BRAF: variants seen among roughly 807,000 people sequenced by gnomAD.
BRAF encodes the protein B-Raf proto-oncogene, serine/threonine kinase.
In BRAF, 16 loss-of-function variants were observed where a neutral mutation model predicts 104.6. The observed-to-expected ratio is 0.15, with a 90% CI of 0.10 to 0.23. The LOEUF is 0.23. BRAF is among the 10% of genes least tolerant of loss of function. The pLI, the probability that BRAF is intolerant of heterozygous loss-of-function variation, is 1.00. For synonymous variants in BRAF, 310 were observed against 341.6 expected, an observed-to-expected ratio of 0.91 and a Z score of 1.02; for missense variants, 541 against 937.3, an observed-to-expected ratio of 0.58 and a Z score of 5.52.
rs367599158 is a variant in BRAF, at chr7:140,797,977, G to A, written c.980+2385C>T. ...CTACAACCTGACAAGAGAACACAAC[G>A]GCTGCATTTTCCAGTGTTCCAAATA... On this transcript the variant is annotated intron_variant, in intron 7 of 19. Transcript: ENST00000644969. Among the ~76,000 whole-genome samples the A allele has an allele frequency of 7.9e-5, 12 of 152,216 alleles. 1 individual carries two copies. In the South Asian group the frequency reaches 8.3e-4, roughly 11 times the overall value.
Position 140,924,227 on chromosome 7 carries a change from A to T in BRAF, c.138+339T>A, listed in dbSNP as rs1452392914. Reference sequence around the variant, plus strand: ...GAGGCCGCCGCCGCCCCCACCCCACAGAGATGCAGAGCTGGATACTTCAGC... The same window carrying T: ...GAGGCCGCCGCCGCCCCCACCCCACTGAGATGCAGAGCTGGATACTTCAGC... On this transcript the variant is annotated intron_variant, in intron 1 of 19. Coordinates refer to ENST00000644969, the MANE Select transcript of BRAF (RefSeq NM_001374258.1). The surrounding 1 kb of genome is among the most constrained non-coding windows in gnomAD (Gnocchi z 4.2). Among the ~76,000 whole-genome samples the T allele has an allele frequency of 6.6e-6, 1 of 151,676 alleles. No homozygotes were observed. The highest frequency in any genetic ancestry group is 1.5e-5 in the Non-Finnish European group (1 of 67,890).
chr7:140,782,594 G>A (rs902181269), intron 11 of BRAF, among the ~76,000 whole-genome samples: 4 of 152,030 alleles, frequency 2.6e-5, no homozygotes, highest in African/African-American at 9.7e-5. Flanking sequence ...TTAAGTTCTG[G>A]GATACATGTG....
rs1311343430 is a variant in BRAF at position 140,753,271 on chromosome 7, T to C, written c.1980+4A>G. 6.3e-7 allele frequency: 1 copy of C among 1,599,512 alleles called. No homozygotes were observed. ...ATCAGTGGAAAAATAGCCTCAATTC[T>C]TACCATCCACAAAATGGATCCAGAC... On this transcript the variant is annotated splice_donor_region_variant and intron_variant, in intron 16 of 19. Coordinates refer to ENST00000644969, the MANE Select transcript of BRAF (RefSeq NM_001374258.1).
intron 1 of BRAF, among the ~76,000 whole-genome samples, chr7:140,859,952 G>A (rs1034571240): frequency 6.6e-6 from 1 of 152,166 alleles, no homozygotes; most frequent in Non-Finnish European, 1.5e-5. Flanking sequence ...CTCCCAAAGT[G>A]CTGGGATTAC....
chr7:140,864,742 A>G (rs1810759755), intron 1 of BRAF, among the ~76,000 whole-genome samples: 1 of 152,262 alleles, frequency 6.6e-6, no homozygotes, highest in African/African-American at 2.4e-5. Context: ...ATATTTGGTC[A>G]TTCCTATTTA....
intron 1 of BRAF, among the ~76,000 whole-genome samples, chr7:140,856,788 T>A (rs1809834264): frequency 6.6e-6 from 1 of 151,304 alleles, no homozygotes; most frequent in Non-Finnish European, 1.5e-5. Context: ...CCAAAACAGG[T>A]GAAAATAAAA....
intron 7 of BRAF, among the ~76,000 whole-genome samples, chr7:140,798,588 G>C (rs1802748016): frequency 7.9e-6 from 1 of 126,416 alleles, no homozygotes; most frequent in African/African-American, 3.0e-5. Flanking sequence ...TTTAAAGCAT[G>C]TGCTTCCAGA....
chr7:140,894,348 A>G (rs1814628202), intron 1 of BRAF, among the ~76,000 whole-genome samples: 1 of 152,250 alleles, frequency 6.6e-6, no homozygotes, highest in African/African-American at 2.4e-5. Context: ...TTAGAAATCA[A>G]GAAGTCATGG....
rs781213584 is a variant in BRAF at position 140,776,909 on chromosome 7, T to C, written c.1814+3A>G. 6.2e-7 allele frequency: 1 copy of C among 1,611,740 alleles called. No individual in the cohort carries two copies. Among genetic ancestry groups the C allele is most frequent in the Admixed American group, 1.7e-5 (1 of 60,004 alleles). On this transcript the variant is annotated splice_donor_region_variant and intron_variant, in intron 14 of 19. Transcript: ENST00000644969. The stretch of plus-strand genomic sequence containing the variant: ...TACAAGACATTTAACGAATGGAACT[T>C]ACTCCATGCCCTGTGCAGTCTGTCG...
In BRAF at chr7:140,720,429, G is replaced by GGCTA; in HGVS notation, c.*6061_*6064dup. ...AACATGAAGATAAATAAGACATAAA[G>GGCTA]GCTAGCCACTTACGTTGGTCATTAA... is the stretch of plus-strand genomic sequence containing the variant. On this transcript the variant is annotated 3_prime_UTR_variant, in exon 20 of 20. Coordinates refer to ENST00000644969, the MANE Select transcript of BRAF (RefSeq NM_001374258.1). 2 of 1,062,662 alleles carry GGCTA rather than the reference G, an allele frequency of 1.9e-6. No homozygotes were observed. Among genetic ancestry groups the GGCTA allele is most frequent in the Non-Finnish European group, 2.3e-6 (2 of 877,808 alleles). The allele number at this position is 1,062,662 out of a possible 1,614,324, so 65.8% of individuals were successfully genotyped here.
chr7:140,721,170 CTAAA>C lies in BRAF; in HGVS notation c.*5320_*5323del, dbSNP rs1215291264. 4.9e-5 allele frequency: 52 copies of C among 1,065,280 alleles called. No homozygotes were observed. The highest frequency in any genetic ancestry group is 4.1e-4 in the Middle Eastern group (1 of 2,442). The allele number at this position is 1,065,280 out of a possible 1,614,324, so 66.0% of individuals were successfully genotyped here. ...AAGTCACTATAATTATTCAAAATAG[CTAAA>C]TAAATGTCAACATTTTAATAAAGCT... On this transcript the variant is annotated 3_prime_UTR_variant, in exon 20 of 20. Transcript: ENST00000644969.
At chr7:140,903,108 T>G (rs903775003) in intron 1 of BRAF, among the ~76,000 whole-genome samples, 4 of 151,940 alleles carry the variant, frequency 2.6e-5, no homozygotes, top group African/African-American at 9.7e-5. Flanking sequence ...ATTTTTTTAG[T>G]AGAGACAGGG....
rs907550398 is a variant in BRAF at position 140,869,623 on chromosome 7, ACT to A, written c.139-19413_139-19412del. Among the ~76,000 whole-genome samples, 26 of 149,336 alleles carry A rather than the reference ACT, an allele frequency of 1.7e-4. No homozygotes were observed. The Admixed American group carries it at 1.8e-3, about 10-fold the overall frequency. Reference sequence around the variant, plus strand: ...ACTCCAGTCTGGGCAGCAGACTGAGACTCTGTCTCAAACAAAAAAAAAAAAAG... The same window carrying A: ...ACTCCAGTCTGGGCAGCAGACTGAGACTGTCTCAAACAAAAAAAAAAAAAG... On this transcript the variant is annotated intron_variant, in intron 1 of 19. Transcript: ENST00000644969.
intron 1 of BRAF, among the ~76,000 whole-genome samples, chr7:140,918,277 CA>C (rs754925283): frequency 1.3e-5 from 2 of 152,148 alleles, no homozygotes; most frequent in Admixed American, 6.5e-5. Context: ...TTTCCATGGA[CA>C]GGGGTAGAGG....
chr7:140,772,328 T>A (rs1274974773), intron 14 of BRAF, among the ~76,000 whole-genome samples: 1 of 151,364 alleles, frequency 6.6e-6, no homozygotes, highest in Non-Finnish European at 1.5e-5. Context: ...TTCAATCAAA[T>A]GTACTGAAAA....
chr7:140,877,872 T>C (rs146576568), intron 1 of BRAF, among the ~76,000 whole-genome samples: 90 of 152,226 alleles, frequency 5.9e-4, no homozygotes, highest in Non-Finnish European at 1.2e-3. Context: ...TTGTAACTAT[T>C]AAGGAAATTA....
rs186952189 is a variant in BRAF at position 140,861,321 on chromosome 7, A to C, written c.139-11109T>G. Among the ~76,000 whole-genome samples the C allele has an allele frequency of 4.3e-3, 661 of 152,330 alleles. 6 individuals carry two copies. Among genetic ancestry groups the C allele is most frequent in the Non-Finnish European group, 7.7e-3 (521 of 68,026 alleles). On this transcript the variant is annotated intron_variant, in intron 1 of 19. Transcript: ENST00000644969. ...GTTCTGATTGGCTGAGGCAGGTCAC[A>C]GAGTGTTTGTTAGGTACAAAAGGCC... is the stretch of plus-strand genomic sequence containing the variant.
At chr7:140,807,759 T>C (rs1489317234) in intron 5 of BRAF, among the ~76,000 whole-genome samples, 1 of 152,154 alleles carries the variant, frequency 6.6e-6, no homozygotes, top group Non-Finnish European at 1.5e-5. Context: ...CATTTTACTT[T>C]TTTAAATTAA....
chr7:140,872,114 C>G (rs2129094083), intron 1 of BRAF, among the ~76,000 whole-genome samples: 1 of 152,130 alleles, frequency 6.6e-6, no homozygotes, highest in South Asian at 2.1e-4. Flanking sequence ...ACTTGGGAGG[C>G]TGAAGCAGGA....
Sources: gnomAD v4.1 joint callset for allele counts (sites outside exome capture counted in the v4.1 genomes callset) on GRCh38, gnomAD v4.1.1 for gene constraint, Gnocchi (gnomAD v3.1) non-coding constraint, MANE v1.5 for transcripts, NCBI Gene and HGNC (gene_info 2026-07-23, HGNC 2026-07-21) for gene names.